Variants in MIER1 observed in about 807,000 individuals in gnomAD.
MIER1 encodes the protein MIER1 transcriptional regulator, also known as mesoderm induction early response protein 1.
Under a neutral mutation model 75.7 loss-of-function variants are expected in MIER1, and 40 were observed. That is an observed-to-expected ratio of 0.53 (90% CI 0.41 to 0.69). MIER1 has a LOEUF of 0.69. MIER1 is among the 30% of genes least tolerant of loss of function. The probability of loss-of-function intolerance (pLI) is 0.00; values close to 1 mark genes in which losing one functional copy is unlikely to be tolerated. For missense variants in MIER1, 574 were observed against 680.2 expected (o/e 0.84, Z 1.74); for synonymous variants, 213 against 223.4 (o/e 0.95, Z 0.42).
chr1:66,936,284 G>A (rs916020408), intron 2 of MIER1, among the ~76,000 whole-genome samples: 5 of 150,864 alleles, frequency 3.3e-5, no homozygotes, highest in Non-Finnish European at 7.4e-5. Flanking sequence ...GTGCGGTGGC[G>A]CTTTCTGGGC....
intron 2 of MIER1, among the ~76,000 whole-genome samples, chr1:66,934,380 G>C (rs1654185761): frequency 1.3e-5 from 2 of 150,152 alleles, no homozygotes; most frequent in Admixed American, 6.7e-5. Flanking sequence ...TAGATTCCTA[G>C]TGCTTATTTT....
Position 66,946,281 on chromosome 1 carries a change from G to C in MIER1, c.325G>C (p.Glu109Gln). 2 of 1,607,880 alleles carry C rather than the reference G, an allele frequency of 1.2e-6. No homozygotes were observed. The highest frequency in any genetic ancestry group is 1.7e-6 in the Non-Finnish European group (2 of 1,178,354). Reference sequence around the variant, plus strand: ...AGAAACAAACTTCAGCTCTGAAATAGAAGATCTTGCAAGGGTAAATAACAT... The same window carrying C: ...AGAAACAAACTTCAGCTCTGAAATACAAGATCTTGCAAGGGTAAATAACAT... ...EGETNFSSEI[E>Q]DLAREGDMPI... Residue 109 changes from glutamate to glutamine, a missense_variant, in exon 4 of 14, where the codon GAA (glutamate) becomes CAA (glutamine). Around this residue, in one of 3 missense-constraint regions of MIER1, gnomAD observed 309 missense variants for 352.8 expected, o/e 0.88. Coordinates refer to ENST00000401041, the MANE Select transcript of MIER1 (RefSeq NM_001077700.3).
At chr1:66,930,309 C>G (rs571370647) in intron 2 of MIER1, 175 of 1,581,194 alleles carry the variant, frequency 1.1e-4, no homozygotes, top group Non-Finnish European at 1.4e-4. Context: ...CGGCCGGAGT[C>G]CCGTTGCTGA....
chr1:66,967,029 T>A (rs199917522), intron 8 of MIER1, among the ~76,000 whole-genome samples: 1 of 152,198 alleles, frequency 6.6e-6, no homozygotes, highest in Admixed American at 6.5e-5. Flanking sequence ...CCTATTTGTC[T>A]ATTTTTGCTT....
chr1:66,949,834 G>A (rs1222833702), intron 4 of MIER1, among the ~76,000 whole-genome samples: 3 of 152,182 alleles, frequency 2.0e-5, no homozygotes, highest in African/African-American at 7.2e-5. Context: ...AATTTTTGAT[G>A]TATTGTGGCA....
At chr1:66,930,217 G>C in intron 2 of MIER1, 2 of 1,394,074 alleles carry the variant, frequency 1.4e-6, no homozygotes, top group Non-Finnish European at 1.9e-6. Context: ...CGAGGGGGCG[G>C]AGTGGGGTGT....
chr1:66,980,658 A>G (rs1382461899), intron 12 of MIER1, among the ~76,000 whole-genome samples: 1 of 152,202 alleles, frequency 6.6e-6, no homozygotes, highest in Non-Finnish European at 1.5e-5. Flanking sequence ...CTTATGCTGA[A>G]GGAATTTTAA....
intron 12 of MIER1, among the ~76,000 whole-genome samples, chr1:66,978,332 CTAAAGCCCACAGTA>C: frequency 6.6e-6 from 1 of 152,196 alleles, no homozygotes; most frequent in Non-Finnish European, 1.5e-5. Flanking sequence ...GTCAAATGCT[CTAAAGCCCACAGTA>C]AAACAATCTG....
chr1:66,981,457 A>G (rs1399115656), intron 12 of MIER1, among the ~76,000 whole-genome samples: 2 of 151,954 alleles, frequency 1.3e-5, no homozygotes, highest in Non-Finnish European at 2.9e-5. Context: ...ACTAGACATC[A>G]CCCCTATCAC....
intron 10 of MIER1, among the ~76,000 whole-genome samples, chr1:66,972,482 G>C (rs1663905914): frequency 1.3e-5 from 2 of 151,814 alleles, no homozygotes; most frequent in Non-Finnish European, 2.9e-5. Flanking sequence ...AGTGCTTTTA[G>C]GGAAAGCATT....
intron 12 of MIER1, 122 bp downstream of exon 12, chr1:66,976,844 C>G: frequency 1.3e-6 from 1 of 770,494 alleles, no homozygotes; most frequent in East Asian, 3.1e-5. Context: ...ACCAGAAGGC[C>G]GAGAGTGATA....
At chr1:66,942,595 AT>A (rs887536913) in intron 3 of MIER1, among the ~76,000 whole-genome samples, 134 of 148,216 alleles carry the variant, frequency 9.0e-4, no homozygotes, top group East Asian at 8.4e-3. Context: ...ATTATTGGGA[AT>A]TTTTTTTTTT....
intron 4 of MIER1, among the ~76,000 whole-genome samples, chr1:66,951,243 C>CGT (rs1156622811): frequency 6.6e-6 from 1 of 152,214 alleles, no homozygotes; most frequent in Non-Finnish European, 1.5e-5. Flanking sequence ...GATCCACCTG[C>CGT]CTCACCTCCC....
chr1:66,979,323 T>C (rs1014252265), intron 12 of MIER1, among the ~76,000 whole-genome samples: 1 of 152,180 alleles, frequency 6.6e-6, no homozygotes, highest in African/African-American at 2.4e-5. Flanking sequence ...GAGAGAAATT[T>C]GAGTGAATTT....
intron 4 of MIER1, among the ~76,000 whole-genome samples, chr1:66,951,161 C>T (rs1271162414): frequency 6.6e-6 from 1 of 152,202 alleles, no homozygotes; most frequent in Non-Finnish European, 1.5e-5. Flanking sequence ...GCAGACTTAA[C>T]TTGAGATATA....
chr1:66,955,752 T>C (rs1015964838), intron 4 of MIER1, among the ~76,000 whole-genome samples: 6 of 152,214 alleles, frequency 3.9e-5, no homozygotes, highest in Admixed American at 3.3e-4. Flanking sequence ...TTAACGCTTA[T>C]GTTTTTTTCC....
intron 2 of MIER1, among the ~76,000 whole-genome samples, chr1:66,935,347 C>G (rs965712498): frequency 6.6e-6 from 1 of 152,102 alleles, no homozygotes; most frequent in Non-Finnish European, 1.5e-5. Context: ...ATAAAAGTTG[C>G]TAGAGTTTGT....
intron 13 of MIER1, among the ~76,000 whole-genome samples, chr1:66,983,665 C>T (rs1182381128): frequency 6.6e-6 from 1 of 152,086 alleles, no homozygotes; most frequent in Admixed American, 6.5e-5. Flanking sequence ...TTGGATAGTG[C>T]GGCATTAGTT....
chr1:66,983,957 C>A (rs942970015), intron 13 of MIER1, among the ~76,000 whole-genome samples: 28 of 152,212 alleles, frequency 1.8e-4, no homozygotes, highest in African/African-American at 6.5e-4. Context: ...AACTCCTGAC[C>A]TCATGATACA....
Sources: allele counts gnomAD v4.1 joint callset (sites outside exome capture counted in the v4.1 genomes callset), GRCh38; gene constraint gnomAD v4.1.1; regional missense constraint gnomAD v4.1.1; transcripts MANE v1.5; gene names NCBI Gene and HGNC (gene_info 2026-07-23, HGNC 2026-07-21).